Variants in TREM1 observed in about 807,000 individuals in gnomAD.
TREM1 encodes triggering receptor expressed on myeloid cells 1.
TREM1 carries 16 observed loss-of-function variants against 22.4 expected under a neutral mutation model. That is an observed-to-expected ratio of 0.71 (90% CI 0.48 to 1.08). The LOEUF is 1.08. TREM1 is among the 50% of genes least tolerant of loss of function. TREM1 has a pLI of 0.00. For synonymous variants in TREM1, 110 were observed against 111.6 expected, an observed-to-expected ratio of 0.99 and a Z score of 0.09; for missense variants, 283 against 282.9, an observed-to-expected ratio of 1.00 and a Z score of 0.00.
At chr6:41,267,598 A>C (rs1049246010), downstream of TREM1, among the ~76,000 whole-genome samples, 6 of 152,020 alleles carry the variant, frequency 3.9e-5, no homozygotes, top group African/African-American at 9.7e-5. Flanking sequence ...GATTAAAAAA[A>C]ACACACACAT....
At chr6:41,283,745 C>A (rs1768036905) in intron 1 of TREM1, among the ~76,000 whole-genome samples, 1 of 151,870 alleles carries the variant, frequency 6.6e-6, no homozygotes, top group African/African-American at 2.4e-5. Flanking sequence ...CACACATACA[C>A]AAAGTACCCC....
At chr6:41,286,341 C>T (rs1768166915) in intron 1 of TREM1, among the ~76,000 whole-genome samples, 1 of 152,204 alleles carries the variant, frequency 6.6e-6, no homozygotes, top group African/African-American at 2.4e-5. Context: ...ATGAGATCTA[C>T]TCTATCATTA....
chr6:41,276,976 G>A (rs1767695902), intron 3 of TREM1, among the ~76,000 whole-genome samples: 1 of 152,092 alleles, frequency 6.6e-6, no homozygotes, highest in Non-Finnish European at 1.5e-5. Flanking sequence ...TAGTCTTGCA[G>A]TATCTGGACA....
Position 41,283,310 on chromosome 6 carries a change from G to T in TREM1, c.50-559C>A, listed in dbSNP as rs868373469. Among the ~76,000 whole-genome samples the T allele has an allele frequency of 3.3e-5, 5 of 152,224 alleles. No individual in the cohort carries two copies. In the South Asian group the frequency reaches 8.3e-4, roughly 25 times the overall value. The stretch of plus-strand genomic sequence containing the variant: ...CTGGCACTCCTTTTTCCCTTCCTTG[G>T]GTAGCAGAGCACCCCTTTCCAAGGG... On this transcript the variant is annotated intron_variant, in intron 1 of 3. Coordinates refer to ENST00000244709, the MANE Select transcript of TREM1 (RefSeq NM_018643.5).
intron 3 of TREM1, chr6:41,280,594 G>T (rs1324346080): frequency 8.0e-7 from 1 of 1,245,362 alleles, no homozygotes; most frequent in East Asian, 3.7e-5. Context: ...GTCACATTCA[G>T]TTAGTCAGGC....
rs1178733727 is a variant in TREM1 at position 41,281,169 on chromosome 6, TTGGATGGATGGA to T, written c.407-28_407-17del. The T allele has an allele frequency of 6.2e-7, 1 of 1,610,852 alleles. No individual in the cohort carries two copies. Among genetic ancestry groups the T allele is most frequent in the Admixed American group, 1.7e-5 (1 of 59,890 alleles). ...CCTGAAAAACCTGCAAGAAGACACA[TTGGATGGATGGA>T]TGGACAGATGGATGATGAATGGGTG... On this transcript the variant is annotated splice_polypyrimidine_tract_variant and intron_variant, in intron 2 of 3. Transcript: ENST00000244709.
rs903980694 is a variant in TREM1, at chr6:41,274,131, C to G, written c.*1994G>C. On this transcript the variant is annotated 3_prime_UTR_variant, in exon 4 of 4. Coordinates refer to ENST00000244709, the MANE Select transcript of TREM1 (RefSeq NM_018643.5). ...CTTGATCTATAATAAGTTAAGCACACAAGCATGCACTGGACCATGCAGTGG... is the reference window on the plus strand; with the variant it reads ...CTTGATCTATAATAAGTTAAGCACAGAAGCATGCACTGGACCATGCAGTGG... Among the ~76,000 whole-genome samples, 4 of 152,202 alleles carry G rather than the reference C, an allele frequency of 2.6e-5. No homozygotes were observed. The highest frequency in any genetic ancestry group is 9.7e-5 in the African/African-American group (4 of 41,434).
At chr6:41,267,983 A>T (rs905775927) in exon 4 of TREM1, 2 of 398,680 alleles carry the variant, frequency 5.0e-6, no homozygotes, top group Non-Finnish European at 8.8e-6. Context: ...ATTGAGTTCC[A>T]GCCTGGGAGA....
chr6:41,280,760 G>A (rs1767873759), intron 3 of TREM1: 1 of 1,446,470 alleles, frequency 6.9e-7, no homozygotes, highest in South Asian at 1.5e-5. Context: ...CTGGGGAGAA[G>A]GACAGCCTGG....
At chr6:41,267,406 A>C (rs186648843), downstream of TREM1, among the ~76,000 whole-genome samples, 184 of 152,360 alleles carry the variant, frequency 1.2e-3, no homozygotes, top group African/African-American at 4.2e-3. Flanking sequence ...TTTCAGTTTA[A>C]TTGCAGATTT....
chr6:41,275,828 G>C lies in TREM1; in HGVS notation c.*297C>G, dbSNP rs1036391890. On this transcript the variant is annotated 3_prime_UTR_variant, in exon 4 of 4. Transcript: ENST00000244709. ...GTCACAGCCCCCACAAGAGAATTAC[G>C]GTGAAAAGCATTGAGCTGTCTGTAT... 7.3e-6 allele frequency: 3 copies of C among 412,932 alleles called. No individual in the cohort carries two copies. The highest frequency in any genetic ancestry group is 2.0e-5 in the African/African-American group (1 of 49,556). 25.6% of individuals were successfully genotyped at this position (412,932 alleles called of 1,614,324 possible). A position where few individuals can be genotyped will look rare whatever the true frequency, so the allele number is the denominator to read the frequency against.
Position 41,284,007 on chromosome 6 carries a change from A to AG in TREM1, c.50-1257dup, listed in dbSNP as rs1038691894. ...TAGTGGAGGGGAGAGAAAGAAAGAGAGAAAAAAACCCACGTTATCTGAGTC... is the reference window on the plus strand; with the variant it reads ...TAGTGGAGGGGAGAGAAAGAAAGAGAGGAAAAAAACCCACGTTATCTGAGTC... On this transcript the variant is annotated intron_variant, in intron 1 of 3. Coordinates refer to ENST00000244709, the MANE Select transcript of TREM1 (RefSeq NM_018643.5). 2.0e-5 allele frequency among the ~76,000 whole-genome samples: 3 copies of AG among 152,102 alleles called. 1 individual carries two copies. In the East Asian group the frequency reaches 5.8e-4, roughly 30 times the overall value.
chr6:41,276,590 C>T (rs1268642041), intron 3 of TREM1, among the ~76,000 whole-genome samples: 2 of 152,168 alleles, frequency 1.3e-5, no homozygotes, highest in Non-Finnish European at 2.9e-5. Context: ...ACCTCTTTAG[C>T]TCGGTTTCCT....
At chr6:41,271,608 T>G (rs1258935152), downstream of TREM1, among the ~76,000 whole-genome samples, 1 of 152,196 alleles carries the variant, frequency 6.6e-6, no homozygotes, top group African/African-American at 2.4e-5. Context: ...TCGCTTTTCT[T>G]TACATCTCCC....
At chr6:41,268,356 A>G (rs1455044504) in intron 3 of TREM1, among the ~76,000 whole-genome samples, 2 of 152,232 alleles carry the variant, frequency 1.3e-5, no homozygotes, top group Non-Finnish European at 1.5e-5. Context: ...GCGTATCCTT[A>G]TTAAACTTGA....
chr6:41,276,619 A>G (rs1409470057), intron 3 of TREM1, among the ~76,000 whole-genome samples: 1 of 152,204 alleles, frequency 6.6e-6, no homozygotes, highest in South Asian at 2.1e-4. Context: ...AACCGAGAAG[A>G]ATCCACCCGT....
rs1461181973 is a variant in TREM1, at chr6:41,282,679, C to T, written c.122G>A (p.Cys41Tyr). ...LKEGQTLDVK[C>Y]DYTLEKFASS... is the part of the protein sequence containing the mutation. ...GGCAAACTTCTCTAGCGTGTAGTCA[C>T]ATTTCACATCCAGGGTCTGCCCCTC... The change falls in exon 2 of 4, where the codon TGT becomes TAT. Residue 41 changes from cysteine (C) to tyrosine (Y), a missense_variant. Transcript: ENST00000244709. 4 of 1,614,170 alleles carry T rather than the reference C, an allele frequency of 2.5e-6. No homozygotes were observed. The highest frequency in any genetic ancestry group is 3.4e-6 in the Non-Finnish European group (4 of 1,180,022).
chr6:41,279,539 G>T (rs1475644653), intron 3 of TREM1: 1 of 985,198 alleles, frequency 1.0e-6, no homozygotes, highest in African/African-American at 1.7e-5. Context: ...ACTCTTAGTA[G>T]ATCATTCGTT....
intron 3 of TREM1, chr6:41,279,531 T>C (rs1393533798): frequency 9.1e-6 from 9 of 985,208 alleles, no homozygotes; most frequent in African/African-American, 3.5e-5. Context: ...AAAAATTGAC[T>C]CTTAGTAGAT....
Sources: allele counts gnomAD v4.1 joint callset (sites outside exome capture counted in the v4.1 genomes callset), GRCh38; gene constraint gnomAD v4.1.1; transcripts MANE v1.5; gene names NCBI Gene and HGNC (gene_info 2026-07-23, HGNC 2026-07-21).